PLAC1: variants seen among roughly 807,000 people sequenced by gnomAD.
PLAC1 encodes placenta associated 1.
For synonymous variants in PLAC1, 68 were observed against 62.1 expected (o/e 1.09, Z -0.44); for missense variants, 136 against 163.2 (o/e 0.83, Z 0.91).
chrX:134,738,226 T>C (rs2078708311), intron 1 of PLAC1, among the ~76,000 whole-genome samples: 2 of 111,954 alleles, frequency 1.8e-5, no homozygotes, highest in Non-Finnish European at 3.8e-5. Flanking sequence ...GGTGGCGTGT[T>C]AACAGCGATG....
intron 2 of PLAC1, among the ~76,000 whole-genome samples, chrX:134,699,249 T>G (rs2078574666): frequency 1.8e-5 from 2 of 111,478 alleles, no homozygotes; most frequent in Non-Finnish European, 3.8e-5. Flanking sequence ...ATGAGGAGTC[T>G]TCCTTCATGA....
chrX:134,740,974 T>C (rs896955014), intron 1 of PLAC1, among the ~76,000 whole-genome samples: 1 of 112,185 alleles, frequency 8.9e-6, no homozygotes, highest in Non-Finnish European at 1.9e-5. Flanking sequence ...TTTTAAGCCA[T>C]GAAATTTGTA....
chrX:134,592,185 A>G (rs1207470709), intron 2 of PLAC1, among the ~76,000 whole-genome samples: 1 of 111,997 alleles, frequency 8.9e-6, no homozygotes, highest in East Asian at 2.8e-4. Context: ...TGTGCTTTTG[A>G]TCAAGTCTAA....
At chrX:134,674,147 C>A (rs1435829110) in intron 2 of PLAC1, among the ~76,000 whole-genome samples, 1 of 112,678 alleles carries the variant, frequency 8.9e-6, no homozygotes, top group Non-Finnish European at 1.9e-5. Context: ...TTTTATGACA[C>A]TTCACAAGTT....
At chrX:134,631,036 T>A (rs2078258562) in intron 1 of PLAC1, among the ~76,000 whole-genome samples, 1 of 110,814 alleles carries the variant, frequency 9.0e-6, no homozygotes, top group Non-Finnish European at 1.9e-5. Flanking sequence ...GGTAGCAAAT[T>A]AGTGGTTTCC....
chrX:134,688,215 A>C (rs2078524999), intron 2 of PLAC1, among the ~76,000 whole-genome samples: 1 of 111,384 alleles, frequency 9.0e-6, no homozygotes, highest in South Asian at 3.8e-4. Flanking sequence ...GAAATCAGAG[A>C]TGAATTTTTT....
At chrX:134,759,153 ACT>A (rs1289227282) in intron 1 of PLAC1, among the ~76,000 whole-genome samples, 1 of 108,245 alleles carries the variant, frequency 9.2e-6, no homozygotes, top group East Asian at 2.9e-4. Flanking sequence ...GAGAAAAGGA[ACT>A]CTTTTTTTTT....
chrX:134,732,769 A>T (rs1385183780), intron 2 of PLAC1, among the ~76,000 whole-genome samples: 2 of 112,257 alleles, frequency 1.8e-5, no homozygotes, highest in African/African-American at 3.2e-5. Context: ...AATATGTCCA[A>T]TGTCCTTGCT....
chrX:134,610,295 G>C (rs2078146223), intron 1 of PLAC1, among the ~76,000 whole-genome samples: 1 of 111,140 alleles, frequency 9.0e-6, no homozygotes, highest in South Asian at 3.8e-4. Flanking sequence ...CTTATTTGTG[G>C]GCAAGATGTT....
chrX:134,699,338 G>A (rs1003027159), intron 2 of PLAC1, among the ~76,000 whole-genome samples: 6 of 111,491 alleles, frequency 5.4e-5, no homozygotes, highest in Admixed American at 1.9e-4. Context: ...TCTGCCTAAT[G>A]AGGACACAGC....
chrX:134,733,785 C>A (rs1284457122), intron 1 of PLAC1: 1 of 110,702 alleles, frequency 9.0e-6, no homozygotes, highest in East Asian at 2.8e-4. Context: ...GAACAGAAGG[C>A]TCAAGGCTGG....
At chrX:134,716,680 C>T (rs1285273761) in intron 2 of PLAC1, among the ~76,000 whole-genome samples, 2 of 112,443 alleles carry the variant, frequency 1.8e-5, no homozygotes, top group African/African-American at 6.5e-5. Context: ...GGGCGAAGAT[C>T]TTCTGACTGC....
At chrX:134,665,389 G>T (rs1252184528) in intron 2 of PLAC1, among the ~76,000 whole-genome samples, 1 of 111,486 alleles carries the variant, frequency 9.0e-6, no homozygotes, top group African/African-American at 3.3e-5. Context: ...CCATTTTATT[G>T]CTGATTAGAA....
intron 1 of PLAC1, among the ~76,000 whole-genome samples, chrX:134,753,227 G>A (rs1360818422): frequency 9.0e-6 from 1 of 111,521 alleles, no homozygotes; most frequent in African/African-American, 3.3e-5. Context: ...ACAGATGGCA[G>A]ATTTGTGTCG....
intron 1 of PLAC1, among the ~76,000 whole-genome samples, chrX:134,649,915 A>C (rs138685734): frequency 0.023 from 2,561 of 111,652 alleles, 35 homozygotes; most frequent in Non-Finnish European, 0.036. Flanking sequence ...CCCGGGGGGA[A>C]TCACAGAAAC....
At chrX:134,587,496 G>A (rs994985608) in intron 2 of PLAC1, among the ~76,000 whole-genome samples, 3 of 110,777 alleles carry the variant, frequency 2.7e-5, no homozygotes, top group African/African-American at 6.6e-5. Flanking sequence ...TGGGAGGATC[G>A]CTTGAGCCTG....
chrX:134,591,719 C>T (rs1306554298), intron 2 of PLAC1, among the ~76,000 whole-genome samples: 1 of 112,285 alleles, frequency 8.9e-6, no homozygotes, highest in African/African-American at 3.2e-5. Flanking sequence ...TATGAAACTG[C>T]CAAAGAGTTT....
At chrX:134,715,709 C>T (rs936551729) in intron 2 of PLAC1, among the ~76,000 whole-genome samples, 5 of 111,837 alleles carry the variant, frequency 4.5e-5, no homozygotes, top group East Asian at 5.6e-4. Context: ...AGAAGCCCGG[C>T]ATTTTGAAAT....
intron 1 of PLAC1, among the ~76,000 whole-genome samples, chrX:134,753,703 G>A (rs888111764): frequency 9.0e-6 from 1 of 111,095 alleles, no homozygotes; most frequent in African/African-American, 3.3e-5. Context: ...GGTCCTTACA[G>A]CTCACATTTC....
Sources: allele counts gnomAD v4.1 joint callset (sites outside exome capture counted in the v4.1 genomes callset), GRCh38; gene constraint gnomAD v4.1.1; transcripts MANE v1.5; gene names NCBI Gene and HGNC (gene_info 2026-07-23, HGNC 2026-07-21).